ITIH2: variants seen among roughly 807,000 people sequenced by gnomAD.
The protein encoded by ITIH2 is inter-alpha-trypsin inhibitor heavy chain H2.
A neutral mutation model predicts 104.4 loss-of-function variants in ITIH2; 103 were observed. The ratio of observed to expected loss-of-function variants is 0.99; its 90% confidence interval spans 0.84 to 1.16. The LOEUF (loss-of-function observed/expected upper bound fraction) is 1.16. Among genes scored for constraint, ITIH2 ranks in the 50% most tolerant of loss-of-function variants. The pLI, the probability that ITIH2 is intolerant of heterozygous loss-of-function variation, is 0.00. For synonymous variants in ITIH2, 436 were observed against 435.4 expected (o/e 1.00, Z -0.02); for missense variants, 1,108 against 1,162.4 (o/e 0.95, Z 0.68).
intron 1 of ITIH2, among the ~76,000 whole-genome samples, chr10:7,703,746 A>G (rs1485667239): frequency 6.6e-6 from 1 of 152,244 alleles, no homozygotes; most frequent in Non-Finnish European, 1.5e-5. Context: ...CAGGCATCAG[A>G]GCGTAGCATT....
intron 15 of ITIH2, among the ~76,000 whole-genome samples, chr10:7,735,597 G>C (rs1407198517): frequency 6.6e-6 from 1 of 151,236 alleles, no homozygotes; most frequent in Non-Finnish European, 1.5e-5. Flanking sequence ...CATAATCATA[G>C]TATTTTATAA....
At position 7,732,319 on chromosome 10, in the gene ITIH2, T is replaced by C; in HGVS notation, c.1648-19T>C. 6.2e-7 allele frequency: 1 copy of C among 1,608,506 alleles called. No individual in the cohort carries two copies. Among genetic ancestry groups the C allele is most frequent in the Non-Finnish European group, 8.5e-7 (1 of 1,175,312 alleles). On this transcript the variant is annotated intron_variant, in intron 13 of 20. Transcript: ENST00000358415. Reference sequence around the variant, plus strand: ...ATTCTGTTACCCAGTGTCTCTCAACTGAACCTTCCATCATCTAGGCTAACA... The same window carrying C: ...ATTCTGTTACCCAGTGTCTCTCAACCGAACCTTCCATCATCTAGGCTAACA...
chr10:7,727,223 G>A (rs1297813152), intron 10 of ITIH2, 105 bp downstream of exon 10: 14 of 895,418 alleles, frequency 1.6e-5, no homozygotes, highest in Middle Eastern at 2.4e-4. Context: ...CCCAGCATTC[G>A]AGGGCCTATC....
chr10:7,707,470 T>G (rs1021466162), intron 3 of ITIH2, among the ~76,000 whole-genome samples: 2 of 152,218 alleles, frequency 1.3e-5, no homozygotes, highest in African/African-American at 4.8e-5. Flanking sequence ...TTCTTGAGTT[T>G]TGCCATATAT....
At position 7,738,602 on chromosome 10, in the gene ITIH2, T is replaced by C. The variant is rs765609128; in HGVS notation, c.1958-19T>C. The stretch of plus-strand genomic sequence containing the variant: ...AAACGTAAATCTAGAAACTAACAGA[T>C]GCAGGTTTGTCTACGCAGGGGCCCT... On this transcript the variant is annotated intron_variant, in intron 15 of 20. Coordinates refer to ENST00000358415, the MANE Select transcript of ITIH2 (RefSeq NM_002216.3). 253 of 1,612,214 alleles carry C rather than the reference T, an allele frequency of 1.6e-4. No homozygotes were observed. The highest frequency in any genetic ancestry group is 1.9e-4 in the Non-Finnish European group (229 of 1,179,106).
chr10:7,726,601 T>C (rs1378228826), intron 9 of ITIH2, among the ~76,000 whole-genome samples: 1 of 152,114 alleles, frequency 6.6e-6, no homozygotes, highest in African/African-American at 2.4e-5. Context: ...AAGAGAAAGA[T>C]GAGGAAATAG....
Position 7,703,318 on chromosome 10 carries a change from TC to T in ITIH2, c.-116del. 1.4e-6 allele frequency: 1 copy of T among 690,932 alleles called. No homozygotes were observed. Among genetic ancestry groups the T allele is most frequent in the Non-Finnish European group, 2.6e-6 (1 of 386,424 alleles). 42.8% of individuals were successfully genotyped at this position (690,932 alleles called of 1,614,324 possible). On this transcript the variant is annotated 5_prime_UTR_variant, in exon 1 of 21. Transcript: ENST00000358415. ...TAGAGAGTTTTTTCTTCTTTTTTCT[TC>T]TTTCTTAAAGCGAACTGTACTCCTC...
chr10:7,717,132 T>G (rs1834857896), intron 5 of ITIH2, among the ~76,000 whole-genome samples: 1 of 152,114 alleles, frequency 6.6e-6, no homozygotes, highest in Admixed American at 6.5e-5. Context: ...TTTTGTATTT[T>G]TAGTAGAGAC....
chr10:7,740,029 T>C (rs1835109342), intron 16 of ITIH2, among the ~76,000 whole-genome samples: 1 of 151,876 alleles, frequency 6.6e-6, no homozygotes, highest in Non-Finnish European at 1.5e-5. Flanking sequence ...GTACTGAAAA[T>C]ACAAAAATTA....
chr10:7,740,398 C>G (rs12253437), intron 16 of ITIH2, among the ~76,000 whole-genome samples: 1 of 152,154 alleles, frequency 6.6e-6, no homozygotes, highest in Non-Finnish European at 1.5e-5. Context: ...CAGCGGCAAA[C>G]GTCTGCAGCC....
intron 14 of ITIH2, among the ~76,000 whole-genome samples, chr10:7,733,113 C>T (rs1483615184): frequency 6.6e-6 from 1 of 151,994 alleles, no homozygotes; most frequent in Non-Finnish European, 1.5e-5. Flanking sequence ...ATGTAGGTTC[C>T]CTTGTTCTCC....
chr10:7,731,955 G>T lies in ITIH2; in HGVS notation c.1606G>T (p.Ala536Ser). The change falls in exon 13 of 21, where the codon GCT becomes TCT. Residue 536 changes from alanine (A) to serine (S), a missense_variant. Transcript: ENST00000358415. Reference protein sequence around the residue: ...EIVVAGKFDPAKLDQIESVIT... With the variant: ...EIVVAGKFDPSKLDQIESVIT... ...TGTGGTGGCAGGAAAATTTGACCCT[G>T]CTAAATTGGATCAAATAGAGAGCGT... is the stretch of plus-strand genomic sequence containing the variant. 3 of 1,613,924 alleles carry T rather than the reference G, an allele frequency of 1.9e-6. No individual in the cohort carries two copies. The highest frequency in any genetic ancestry group is 2.5e-6 in the Non-Finnish European group (3 of 1,179,930).
rs1305859303 is a variant in ITIH2, at chr10:7,727,006, T to G, written c.1041T>G (p.Ser347=). ...ACCTCAGAGCAGAAGACCATTTCTC[T>G]GTGATTGATTTCAACCAGAACATTC... ...LDDLRAEDHF[S]VIDFNQNIRT... is the part of the protein sequence containing the mutation. The change falls in exon 10 of 21, where the codon TCT becomes TCG. Residue 347 remains serine (S), a synonymous_variant. Transcript: ENST00000358415. The G allele has an allele frequency of 1.2e-6, 2 of 1,613,994 alleles. No individual in the cohort carries two copies. Among genetic ancestry groups the G allele is most frequent in the South Asian group, 2.2e-5 (2 of 91,078 alleles).
intron 15 of ITIH2, among the ~76,000 whole-genome samples, chr10:7,736,948 C>T (rs1010254722): frequency 6.6e-6 from 1 of 152,184 alleles, no homozygotes; most frequent in East Asian, 1.9e-4. Context: ...ACAGACCTAG[C>T]GTCCAAAAAA....
chr10:7,720,305 T>A (rs10905222), intron 6 of ITIH2, among the ~76,000 whole-genome samples: 151,980 of 152,344 alleles, frequency 1, 75,809 homozygotes, highest in Middle Eastern at 1. Flanking sequence ...TTCAAAATAA[T>A]TACACAAAAA....
At chr10:7,708,977 T>C in intron 3 of ITIH2, 45 bp from the exon 4 acceptor site, 4 of 1,516,688 alleles carry the variant, frequency 2.6e-6, no homozygotes, top group Non-Finnish European at 3.7e-6. Context: ...TGAAGTTCTG[T>C]GTGATTTTTC....
intron 5 of ITIH2, among the ~76,000 whole-genome samples, chr10:7,714,750 A>C (rs938251529): frequency 6.6e-6 from 1 of 152,090 alleles, no homozygotes; most frequent in Admixed American, 6.5e-5. Flanking sequence ...GTACACAAAA[A>C]ACACTATGGG....
chr10:7,726,135 G>C (rs944800957), intron 9 of ITIH2, among the ~76,000 whole-genome samples: 2 of 152,166 alleles, frequency 1.3e-5, no homozygotes, highest in African/African-American at 4.8e-5. Flanking sequence ...AAAGGATTGG[G>C]CTTATGAGAG....
chr10:7,714,163 C>CTTTTTTTT (rs1564298974), intron 5 of ITIH2, among the ~76,000 whole-genome samples: 1 of 125,644 alleles, frequency 8.0e-6, no homozygotes, highest in African/African-American at 3.3e-5. Flanking sequence ...TGCACACTCA[C>CTTTTTTTT]TATTTTTTTT....
Sources: gnomAD v4.1 joint callset for allele counts (sites outside exome capture counted in the v4.1 genomes callset) on GRCh38, gnomAD v4.1.1 for gene constraint, MANE v1.5 for transcripts, NCBI Gene and HGNC (gene_info 2026-07-23, HGNC 2026-07-21) for gene names.